The following CAMTA1 variants were observed in gnomAD, a reference collection of about 807,000 sequenced individuals.
CAMTA1 encodes calmodulin binding transcription activator 1.
Under a neutral mutation model 170.9 loss-of-function variants are expected in CAMTA1, and 27 were observed. The ratio of observed to expected loss-of-function variants is 0.16; its 90% CI spans 0.12 to 0.22. CAMTA1 has a LOEUF of 0.22. CAMTA1 is among the 10% of genes least tolerant of loss of function. The pLI is 1.00. For synonymous variants in CAMTA1, 833 were observed against 891.5 expected (o/e 0.93, Z 1.17); for missense variants, 1,619 against 2,217.2 (o/e 0.73, Z 5.42).
chr1:6,890,082 G>C (rs949108560), intron 3 of CAMTA1, among the ~76,000 whole-genome samples: 1 of 152,214 alleles, frequency 6.6e-6, no homozygotes, highest in Non-Finnish European at 1.5e-5. Context: ...GTGGCACACA[G>C]AGGACGTCAG....
chr1:6,897,143 T>C (rs1675817940), intron 3 of CAMTA1, among the ~76,000 whole-genome samples: 1 of 152,108 alleles, frequency 6.6e-6, no homozygotes, highest in Non-Finnish European at 1.5e-5. Context: ...CCCACTTGCC[T>C]GAGTAGAGAA....
At chr1:6,810,323 T>C (rs1159023055) in intron 1 of CAMTA1, among the ~76,000 whole-genome samples, 1 of 152,202 alleles carries the variant, frequency 6.6e-6, no homozygotes, top group African/African-American at 2.4e-5. Flanking sequence ...TCGCCAGCTG[T>C]TGGCCCGAGG....
intron 5 of CAMTA1, among the ~76,000 whole-genome samples, chr1:7,285,906 G>C (rs1028176356): frequency 4.6e-5 from 7 of 152,188 alleles, no homozygotes; most frequent in Non-Finnish European, 1.0e-4. Flanking sequence ...GGGTGACCAT[G>C]TACATTTCTA....
At chr1:6,825,776 A>AC (rs1452525007) in intron 3 of CAMTA1, among the ~76,000 whole-genome samples, 2 of 152,244 alleles carry the variant, frequency 1.3e-5, no homozygotes, top group Non-Finnish European at 2.9e-5. Context: ...AGAATGAAAA[A>AC]AGTTAATCAT....
chr1:7,664,116 C>A lies in CAMTA1; in HGVS notation c.1569C>A (p.Ser523Arg). The A allele has an allele frequency of 6.2e-7, 1 of 1,613,454 alleles. No homozygotes were observed. The highest frequency in any genetic ancestry group is 8.5e-7 in the Non-Finnish European group (1 of 1,180,038). ...CGCCACCCGGGGAGCGGAGCTTCAG[C>A]TTTACCACCGTCCTCACCAAGGAGA... ...RHSPPGERSFSFTTVLTKEIK... is the reference protein window; with the variant it reads ...RHSPPGERSFRFTTVLTKEIK... The change falls in exon 9 of 23, where the codon AGC becomes AGA. Residue 523 changes from serine (S) to arginine (R), a missense_variant. Physicochemically the swap from Ser to Arg is moderately radical, Grantham distance 110. Transcript: ENST00000303635.
At chr1:7,060,855 G>A (rs4436414) in intron 3 of CAMTA1, among the ~76,000 whole-genome samples, 71,125 of 152,100 alleles carry the variant, frequency 0.47, 17,502 homozygotes, top group African/African-American at 0.62. Flanking sequence ...CCAGGAAAGC[G>A]GAGTTGCTGG....
At chr1:7,458,843 C>T (rs2093019731) in intron 5 of CAMTA1, among the ~76,000 whole-genome samples, 3 of 152,226 alleles carry the variant, frequency 2.0e-5, no homozygotes. Flanking sequence ...TCTAATATTC[C>T]AAATCTCTGC....
chr1:7,079,328 T>C (rs1478453370), intron 3 of CAMTA1, among the ~76,000 whole-genome samples: 1 of 152,174 alleles, frequency 6.6e-6, no homozygotes, highest in East Asian at 1.9e-4. Context: ...GTTAAAGATA[T>C]AATTGCTGAC....
intron 9 of CAMTA1, among the ~76,000 whole-genome samples, chr1:7,668,416 C>A (rs2096021094): frequency 1.4e-5 from 2 of 144,424 alleles, no homozygotes; most frequent in Non-Finnish European, 3.0e-5. Context: ...CACACACACA[C>A]ACACACACAC....
chr1:7,633,132 C>T lies in CAMTA1; in HGVS notation c.511-7268C>T, dbSNP rs2095683463. Among the ~76,000 whole-genome samples, 1 of 152,248 alleles carries T rather than the reference C, an allele frequency of 6.6e-6. No individual in the cohort carries two copies. Among genetic ancestry groups the T allele is most frequent in the Admixed American group, 6.5e-5 (1 of 15,290 alleles). On this transcript the variant is annotated intron_variant, in intron 6 of 22. Coordinates refer to ENST00000303635, the MANE Select transcript of CAMTA1 (RefSeq NM_015215.4). This position sits in a 1 kb window ranked among gnomAD's most constrained non-coding sequence, Gnocchi z 4.1. ...GTGCTTTTGGAGGAAAGGCCCTCAG[C>T]TTGTCCCCCGTCCTCTCTTTGTCCC... is the stretch of plus-strand genomic sequence containing the variant.
chr1:6,910,182 G>A (rs74051054), intron 3 of CAMTA1, among the ~76,000 whole-genome samples: 2,143 of 152,342 alleles, frequency 0.014, 45 homozygotes, highest in African/African-American at 0.048. Context: ...CCAGGTGGCT[G>A]CCCAGCAATG....
chr1:7,272,692 C>CAAAAAAAAAAAAAAAAAAAAAAAA lies in CAMTA1; in HGVS notation c.438+23067_438+23090dup, dbSNP rs371588178. Among the ~76,000 whole-genome samples the CAAAAAAAAAAAAAAAAAAAAAAAA allele has an allele frequency of 7.0e-4, 27 of 38,806 alleles. 1 individual carries two copies. The highest frequency in any genetic ancestry group is 3.3e-3 in the East Asian group (3 of 912). 25.5% of individuals were successfully genotyped at this position (38,806 alleles called of 152,430 possible). ...TCTGGGGCAACTGGATAAACACATGCAAAAAAAAAAAAAAAAAAAAAAAAG... is the reference window on the plus strand; with the variant it reads ...TCTGGGGCAACTGGATAAACACATGCAAAAAAAAAAAAAAAAAAAAAAAAAAAAAAAAAAAAAAAAAAAAAAAAG... On this transcript the variant is annotated intron_variant, in intron 5 of 22. Coordinates refer to ENST00000303635, the MANE Select transcript of CAMTA1 (RefSeq NM_015215.4).
intron 3 of CAMTA1, among the ~76,000 whole-genome samples, chr1:7,053,106 C>T (rs909463180): frequency 6.6e-6 from 1 of 152,204 alleles, no homozygotes; most frequent in African/African-American, 2.4e-5. Context: ...GAGGGATGGA[C>T]CCTCATGCTC....
intron 3 of CAMTA1, among the ~76,000 whole-genome samples, chr1:6,903,481 G>A (rs1677589271): frequency 6.6e-6 from 1 of 152,142 alleles, no homozygotes. Context: ...ATTCTGTTGG[G>A]TCATCATTAT....
At chr1:7,670,864 C>T in intron 9 of CAMTA1, 47 bp from the exon 10 acceptor site, 1 of 1,603,784 alleles carries the variant, frequency 6.2e-7, no homozygotes, top group South Asian at 1.1e-5. Context: ...TGCTGCCTCC[C>T]ACAGTGGCTC....
intron 11 of CAMTA1, among the ~76,000 whole-genome samples, chr1:7,683,941 T>C (rs1020447688): frequency 1.3e-5 from 2 of 152,290 alleles, no homozygotes; most frequent in East Asian, 1.9e-4. Context: ...CCAGCTGTGC[T>C]CCTCAGCCAG....
intron 7 of CAMTA1, among the ~76,000 whole-genome samples, chr1:7,651,382 GC>G (rs1402106467): frequency 6.6e-6 from 1 of 152,192 alleles, no homozygotes; most frequent in African/African-American, 2.4e-5. Flanking sequence ...TCCAGCAGGT[GC>G]CGCCTGTACA....
At chr1:7,411,880 G>A (rs1372529849) in intron 5 of CAMTA1, among the ~76,000 whole-genome samples, 7 of 151,304 alleles carry the variant, frequency 4.6e-5, no homozygotes, top group Non-Finnish European at 1.0e-4. Context: ...TTAGCATTAG[G>A]TATATCTCCT....
At position 7,325,893 on chromosome 1, in the gene CAMTA1, C is replaced by T. The variant is rs1355194414; in HGVS notation, c.438+76267C>T. On this transcript the variant is annotated intron_variant, in intron 5 of 22. Transcript: ENST00000303635. This position sits in a 1 kb window ranked among gnomAD's most constrained non-coding sequence, Gnocchi z 5.0. ...TTGTTTTATGAGGCAGAGTCTCGCT[C>T]TGTTGCCCAGGCTGGAGGGCAGTGG... Among the ~76,000 whole-genome samples, 1 of 152,130 alleles carries T rather than the reference C, an allele frequency of 6.6e-6. No individual in the cohort carries two copies. The highest frequency in any genetic ancestry group is 2.4e-5 in the African/African-American group (1 of 41,400).
Sources: allele counts gnomAD v4.1 joint callset (sites outside exome capture counted in the v4.1 genomes callset), GRCh38; gene constraint gnomAD v4.1.1; non-coding constraint Gnocchi (gnomAD v3.1); transcripts MANE v1.5; gene names NCBI Gene and HGNC (gene_info 2026-07-23, HGNC 2026-07-21).